MARVELD2: variants seen among roughly 807,000 people sequenced by gnomAD.
MARVELD2 encodes the protein MARVEL domain-containing protein 2.
MARVELD2 carries 49 observed loss-of-function variants against 57.6 expected under a neutral mutation model. The ratio of observed to expected loss-of-function variants is 0.85; its 90% CI spans 0.68 to 1.08. The LOEUF (loss-of-function observed/expected upper bound fraction) is 1.08. Among genes scored for constraint, MARVELD2 ranks in the 50% least tolerant of loss-of-function variants. The pLI, the probability that MARVELD2 is intolerant of heterozygous loss-of-function variation, is 0.00. For synonymous variants in MARVELD2, 238 were observed against 258.8 expected, an observed-to-expected ratio of 0.92 and a Z score of 0.77; for missense variants, 606 against 701.1, an observed-to-expected ratio of 0.86 and a Z score of 1.53.
chr5:69,438,231 C>G (rs1767218675), intron 5 of MARVELD2, among the ~76,000 whole-genome samples: 1 of 152,200 alleles, frequency 6.6e-6, no homozygotes, highest in Non-Finnish European at 1.5e-5. Context: ...AACAATCCCT[C>G]TGGTCCTCAC....
intron 6 of MARVELD2, among the ~76,000 whole-genome samples, 164 bp from the exon 7 acceptor site, chr5:69,441,368 A>AT (rs1767320276): frequency 6.6e-6 from 1 of 151,980 alleles, no homozygotes; most frequent in African/African-American, 2.4e-5. Flanking sequence ...TAAAAAAAAA[A>AT]GTACATTTAA....
chr5:69,433,579 C>T (rs181742658), intron 5 of MARVELD2: 2,083 of 167,690 alleles, frequency 0.012, 24 homozygotes, highest in Non-Finnish European at 0.016. Context: ...CCTGCCTCAG[C>T]CTCCCGAGTA....
Position 69,420,353 on chromosome 5 carries a change from A to G in MARVELD2, c.968A>G (p.Tyr323Cys), listed in dbSNP as rs761148292. The change falls in exon 2 of 7, where the codon TAT (tyrosine) becomes TGT (cysteine). Residue 323 changes from tyrosine (Y) to cysteine (C), a missense_variant. Physicochemically the swap from Tyr to Cys is radical, Grantham distance 194. Coordinates refer to ENST00000325631, the MANE Select transcript of MARVELD2 (RefSeq NM_001038603.3). ...NDTNRGGLCY[Y>C]PLFNTPVNAV... ...ACCAACCGAGGTGGCCTCTGCTACT[A>G]TCCGTTATTTAATACACCAGTGAAT... The G allele has an allele frequency of 6.2e-7, 1 of 1,614,154 alleles. No individual in the cohort carries two copies. Among genetic ancestry groups the G allele is most frequent in the Non-Finnish European group, 8.5e-7 (1 of 1,180,046 alleles).
rs187276289 is a variant in MARVELD2 at position 69,433,287 on chromosome 5, C to T, written c.1503+194C>T. On this transcript the variant is annotated intron_variant, in intron 5 of 6. Transcript: ENST00000325631. Reference sequence around the variant, plus strand: ...AAGCAATTCTCCTGCCTCAGCCTCCCGAGTAGCTGGGATTACAGGCACATG... The same window carrying T: ...AAGCAATTCTCCTGCCTCAGCCTCCTGAGTAGCTGGGATTACAGGCACATG... Among the ~76,000 whole-genome samples, 8 of 151,590 alleles carry T rather than the reference C, an allele frequency of 5.3e-5. No homozygotes were observed. The East Asian group carries it at 1.4e-3, about 26-fold the overall frequency.
In MARVELD2 at chr5:69,435,472, G is replaced by T. The variant is rs1767104177; in HGVS notation, c.1503+2379G>T. On this transcript the variant is annotated intron_variant, in intron 5 of 6. Transcript: ENST00000325631. ...TCACCCCAAAAAGAAACCCTATATT[G>T]GCTGGGTGTGGTGGCTCATGCCTGT... Among the ~76,000 whole-genome samples, 3 of 151,940 alleles carry T rather than the reference G, an allele frequency of 2.0e-5. No individual in the cohort carries two copies. In the South Asian group the frequency reaches 6.2e-4, roughly 32 times the overall value.
chr5:69,440,301 T>G (rs1767290050), intron 5 of MARVELD2, 149 bp from the exon 6 acceptor site: 1 of 555,382 alleles, frequency 1.8e-6, no homozygotes, highest in South Asian at 2.0e-5. Flanking sequence ...CCTTCAAATA[T>G]TTGCCTGTGA....
Position 69,441,816 on chromosome 5 carries a change from A to C in MARVELD2, c.*162A>C, listed in dbSNP as rs898104727. 5.8e-6 allele frequency: 3 copies of C among 516,888 alleles called. No homozygotes were observed. The highest frequency in any genetic ancestry group is 7.0e-6 in the Non-Finnish European group (2 of 285,338). The allele number at this position is 516,888 out of a possible 1,614,324, so 32.0% of individuals were successfully genotyped here. On this transcript the variant is annotated 3_prime_UTR_variant, in exon 7 of 7. Coordinates refer to ENST00000325631, the MANE Select transcript of MARVELD2 (RefSeq NM_001038603.3). ...TCCTGTTCAAGCAATTAGCCTCCCC[A>C]GTAGCTGGGATTACAGGCGTGCGCT...
At chr5:69,419,055 A>C in intron 1 of MARVELD2, 1 of 394,822 alleles carries the variant, frequency 2.5e-6, no homozygotes. Context: ...CCACCTGAGT[A>C]GCTGGGATCA....
At chr5:69,427,090 G>A (rs1459930652) in intron 3 of MARVELD2, among the ~76,000 whole-genome samples, 1 of 152,126 alleles carries the variant, frequency 6.6e-6, no homozygotes, top group Non-Finnish European at 1.5e-5. Context: ...TTTAATACTA[G>A]GGGGTGCCTT....
rs1185246 is a variant in MARVELD2 at position 69,419,483 on chromosome 5, C to T, written c.98C>T (p.Thr33Ile). Residue 33 changes from threonine (T) to isoleucine (I), a missense_variant, in exon 2 of 7, where the codon ACT becomes ATT. By Grantham distance (89) the Thr-to-Ile change is moderately conservative. Transcript: ENST00000325631. ...GATACCACCATAAGAACCCACCCAA[C>T]TCTTCATGACAGTGAGCGGGCAGTG... ...YQDTTIRTHP[T>I]LHDSERAVSA... 785,301 of 1,613,744 alleles carry T rather than the reference C, an allele frequency of 0.49. 192,292 individuals are homozygous for T. Among genetic ancestry groups the T allele is most frequent in the South Asian group, 0.54 (48,958 of 91,058 alleles).
chr5:69,415,467 A>C (rs950675847), intron 1 of MARVELD2: 1 of 152,160 alleles, frequency 6.6e-6, no homozygotes, highest in Non-Finnish European at 1.5e-5. Context: ...GTTGGGTCGG[A>C]ATCTCCAAAG....
chr5:69,429,902 ATTTATTTG>A (rs1301849804), intron 3 of MARVELD2, among the ~76,000 whole-genome samples: 6 of 149,096 alleles, frequency 4.0e-5, no homozygotes, highest in Admixed American at 1.3e-4. Context: ...TTATTTATTT[ATTTATTTG>A]TTTGTTTGTT....
Position 69,419,342 on chromosome 5 carries a change from A to C in MARVELD2, c.-15-29A>C, listed in dbSNP as rs558158885. ...TCATTGAGAGGATAAGTAACTAATC[A>C]TAAGTGATAACTTTAAATTTGGCCA... On this transcript the variant is annotated intron_variant, in intron 1 of 6. Transcript: ENST00000325631. 2.5e-6 allele frequency: 4 copies of C among 1,610,150 alleles called. No individual in the cohort carries two copies. The African/African-American group carries it at 4.0e-5, about 16-fold the overall frequency.
At position 69,419,797 on chromosome 5, in the gene MARVELD2, G is replaced by A. The variant is rs377310988; in HGVS notation, c.412G>A (p.Gly138Arg). The A allele has an allele frequency of 4.9e-5, 79 of 1,614,052 alleles. 1 individual carries two copies. The Middle Eastern group carries it at 2.3e-3, about 47-fold the overall frequency. Reference protein sequence around the residue: ...SPLNSCKDPYGGSEGTFSSRK... With the variant: ...SPLNSCKDPYRGSEGTFSSRK... Reference sequence around the variant, plus strand: ...CCTCAACTCCTGCAAAGATCCCTACGGAGGGTCAGAAGGAACCTTTAGTTC... The same window carrying A: ...CCTCAACTCCTGCAAAGATCCCTACAGAGGGTCAGAAGGAACCTTTAGTTC... Residue 138 changes from glycine to arginine, a missense_variant, in exon 2 of 7, where the codon GGA becomes AGA. Transcript: ENST00000325631.
At chr5:69,431,477 A>T (rs1766962092) in intron 3 of MARVELD2, among the ~76,000 whole-genome samples, 1 of 152,178 alleles carries the variant, frequency 6.6e-6, no homozygotes, top group Non-Finnish European at 1.5e-5. Flanking sequence ...AATTGCCATT[A>T]TCATTACTTT....
rs771423172 is a variant in MARVELD2 at position 69,419,601 on chromosome 5, G to A, written c.216G>A (p.Ala72=). The part of the protein sequence containing the change: ...YSSDTEEPAI[A]PDLKPVRRFV... ...GTGACACAGAAGAACCAGCTATAGC[G>A]CCAGATCTCAAACCAGTAAGGCGCT... Residue 72 remains alanine (A), a synonymous_variant, in exon 2 of 7, where the codon GCG becomes GCA. Transcript: ENST00000325631. 13 of 1,613,986 alleles carry A rather than the reference G, an allele frequency of 8.1e-6. No individual in the cohort carries two copies. The Admixed American group carries it at 1.0e-4, about 12-fold the overall frequency.
In MARVELD2 at chr5:69,442,314, A is replaced by AT. The variant is rs1192327913; in HGVS notation, c.*665dup. On this transcript the variant is annotated 3_prime_UTR_variant, in exon 7 of 7. Transcript: ENST00000325631. ...GAAATTCCTAGGGGATTTCTAAAGG[A>AT]TTTTTCTAAGGGAAAAAGGGTGACA... The AT allele has an allele frequency of 6.6e-6, 1 of 152,098 alleles. No homozygotes were observed. Among genetic ancestry groups the AT allele is most frequent in the Non-Finnish European group, 1.5e-5 (1 of 68,024 alleles). The allele number at this position is 152,098 out of a possible 1,614,324, so 9.4% of individuals were successfully genotyped here.
intron 3 of MARVELD2, 95 bp from the exon 4 acceptor site, chr5:69,432,432 C>G: frequency 1.5e-6 from 2 of 1,377,288 alleles, no homozygotes; most frequent in Non-Finnish European, 2.0e-6. Context: ...TGAGCCACCC[C>G]ACCTGATCTT....
At chr5:69,439,521 A>G (rs1257412269) in intron 5 of MARVELD2, among the ~76,000 whole-genome samples, 1 of 151,478 alleles carries the variant, frequency 6.6e-6, no homozygotes, top group Non-Finnish European at 1.5e-5. Context: ...TGGGAGGCCA[A>G]GGTGGGTGGA....
Sources: allele counts gnomAD v4.1 joint callset (sites outside exome capture counted in the v4.1 genomes callset), GRCh38; gene constraint gnomAD v4.1.1; transcripts MANE v1.5; gene names NCBI Gene and HGNC (gene_info 2026-07-23, HGNC 2026-07-21).